The following RHOU variants were observed in gnomAD, a reference collection of about 807,000 sequenced individuals.
RHOU encodes rho-related GTP-binding protein RhoU.
In RHOU, 8 loss-of-function variants were observed where a neutral mutation model predicts 12.6. That is an observed-to-expected ratio of 0.64 (90% CI 0.37 to 1.15). The LOEUF (loss-of-function observed/expected upper bound fraction) is 1.15. RHOU is among the 50% of genes most tolerant of loss of function. The pLI, the probability that RHOU is intolerant of heterozygous loss-of-function variation, is 0.01. For synonymous variants in RHOU, 161 were observed against 147.4 expected (o/e 1.09, Z -0.67); for missense variants, 258 against 347.0 (o/e 0.74, Z 2.04).
the RHOU span, among the ~76,000 whole-genome samples, chr1:228,667,811 A>T: frequency 6.6e-6 from 1 of 152,248 alleles, no homozygotes; most frequent in Non-Finnish European, 1.5e-5. Context: ...TGTATTATTT[A>T]AAAATGATAC....
the RHOU span, among the ~76,000 whole-genome samples, chr1:228,656,523 T>C: frequency 1.3e-5 from 2 of 152,204 alleles, no homozygotes; most frequent in African/African-American, 4.8e-5. Flanking sequence ...CATAAACATG[T>C]AATTGTTTGA....
chr1:228,680,828 A>G, the RHOU span, among the ~76,000 whole-genome samples: 2 of 152,052 alleles, frequency 1.3e-5, no homozygotes, highest in Non-Finnish European at 2.9e-5. Context: ...CAGCTTTGTG[A>G]GCTGCCTTTT....
chr1:228,684,671 G>A, the RHOU span, among the ~76,000 whole-genome samples: 4 of 152,084 alleles, frequency 2.6e-5, no homozygotes, highest in African/African-American at 9.7e-5. Flanking sequence ...AATCGTTCCT[G>A]TTTGGGTGCT....
chr1:228,730,982 C>G (rs974490561), upstream of RHOU, among the ~76,000 whole-genome samples: 18 of 152,152 alleles, frequency 1.2e-4, no homozygotes, highest in Admixed American at 6.5e-4. Flanking sequence ...GTGACATGTA[C>G]ACAGTGGAAA....
chr1:228,678,891 C>T, the RHOU span, among the ~76,000 whole-genome samples: 2 of 152,052 alleles, frequency 1.3e-5, no homozygotes, highest in Admixed American at 6.6e-5. Flanking sequence ...CCCACGCAGA[C>T]ATGAGGGCTA....
chr1:228,726,165 T>G, the RHOU span, among the ~76,000 whole-genome samples: 1 of 152,302 alleles, frequency 6.6e-6, no homozygotes, highest in South Asian at 2.1e-4. Flanking sequence ...CTTGGAGTGT[T>G]TCCTTTGTCT....
At chr1:228,651,118 C>A in the RHOU span, 1 of 220,460 alleles carries the variant, frequency 4.5e-6, no homozygotes, top group Non-Finnish European at 9.7e-6. Context: ...GGAAGAGGAG[C>A]ATGATCTCAC....
the RHOU span, among the ~76,000 whole-genome samples, chr1:228,710,933 T>C: frequency 3.3e-5 from 5 of 151,668 alleles, no homozygotes; most frequent in African/African-American, 9.7e-5. Flanking sequence ...GCCCAAAATC[T>C]CCTTAAGCTG....
At chr1:228,674,604 C>G in the RHOU span, among the ~76,000 whole-genome samples, 6 of 152,210 alleles carry the variant, frequency 3.9e-5, no homozygotes, top group East Asian at 1.9e-4. Context: ...CCTCGGCCCC[C>G]CAAAGTGCTG....
At chr1:228,655,975 TG>T in the RHOU span, among the ~76,000 whole-genome samples, 1 of 152,350 alleles carries the variant, frequency 6.6e-6, no homozygotes, top group East Asian at 1.9e-4. Flanking sequence ...TGAAGACATC[TG>T]TCCAGCAACT....
the RHOU span, among the ~76,000 whole-genome samples, chr1:228,678,541 G>C: frequency 1.7e-4 from 26 of 152,120 alleles, 1 homozygote; most frequent in Non-Finnish European, 4.4e-5. Flanking sequence ...GAAGTAAAGC[G>C]GCCTTAAGAA....
the RHOU span, among the ~76,000 whole-genome samples, chr1:228,714,385 T>C: frequency 6.6e-6 from 1 of 152,320 alleles, no homozygotes; most frequent in East Asian, 1.9e-4. Flanking sequence ...TCCGGAACAA[T>C]GTAGAGATTA....
At chr1:228,661,349 C>G in the RHOU span, among the ~76,000 whole-genome samples, 1 of 152,174 alleles carries the variant, frequency 6.6e-6, no homozygotes, top group African/African-American at 2.4e-5. Flanking sequence ...TTCATGGAAC[C>G]AAAAAAGAGC....
At chr1:228,725,957 A>G in the RHOU span, among the ~76,000 whole-genome samples, 1 of 152,218 alleles carries the variant, frequency 6.6e-6, no homozygotes, top group Non-Finnish European at 1.5e-5. Flanking sequence ...CTACTTCTTA[A>G]TTACTTAAGG....
the RHOU span, among the ~76,000 whole-genome samples, chr1:228,719,286 C>T: frequency 6.6e-6 from 1 of 152,184 alleles, no homozygotes; most frequent in Non-Finnish European, 1.5e-5. Flanking sequence ...TGCCTTGATT[C>T]TCTAAAGAAA....
chr1:228,706,842 A>G, the RHOU span, among the ~76,000 whole-genome samples: 1 of 151,932 alleles, frequency 6.6e-6, no homozygotes, highest in Non-Finnish European at 1.5e-5. Flanking sequence ...TAGTTATATC[A>G]TTGACTATCA....
chr1:228,711,252 C>G, the RHOU span, among the ~76,000 whole-genome samples: 1 of 151,964 alleles, frequency 6.6e-6, no homozygotes, highest in Non-Finnish European at 1.5e-5. Context: ...TTTACAGATT[C>G]AGTGCCATCC....
chr1:228,733,392 C>T (rs1391810126), upstream of RHOU, among the ~76,000 whole-genome samples: 1 of 152,222 alleles, frequency 6.6e-6, no homozygotes, highest in Non-Finnish European at 1.5e-5. Context: ...ACTGGAGCCT[C>T]GACTTCCCAG....
chr1:228,651,624 C>G, the RHOU span, among the ~76,000 whole-genome samples: 3 of 152,212 alleles, frequency 2.0e-5, no homozygotes, highest in African/African-American at 7.2e-5. Context: ...TCCAGACCCC[C>G]TGCCCTCAAG....
Sources: allele counts gnomAD v4.1 joint callset (sites outside exome capture counted in the v4.1 genomes callset), GRCh38; gene constraint gnomAD v4.1.1; transcripts MANE v1.5; gene names NCBI Gene and HGNC (gene_info 2026-07-23, HGNC 2026-07-21).